CRADD: variants seen among roughly 807,000 people sequenced by gnomAD.
CRADD encodes the protein death domain-containing protein CRADD.
Under a neutral mutation model 15.5 loss-of-function variants are expected in CRADD, and 9 were observed. That is an observed-to-expected ratio of 0.58 (90% CI 0.35 to 1.01). The LOEUF (loss-of-function observed/expected upper bound fraction) is 1.01, where lower values mean the gene tolerates loss of function less well. CRADD is among the 50% of genes least tolerant of loss of function. The probability of loss-of-function intolerance (pLI) is 0.02; values close to 1 mark genes in which losing one functional copy is unlikely to be tolerated. For missense variants in CRADD, 227 were observed against 250.3 expected, an observed-to-expected ratio of 0.91 and a Z score of 0.63; for synonymous variants, 118 against 107.6, an observed-to-expected ratio of 1.10 and a Z score of -0.60.
chr12:93,812,222 A>G (rs2137009102), intron 2 of CRADD, among the ~76,000 whole-genome samples: 1 of 152,320 alleles, frequency 6.6e-6, no homozygotes, highest in African/African-American at 2.4e-5. Context: ...GAATGATACT[A>G]GAGAACATAC....
At chr12:93,686,360 A>G (rs1452990433) in intron 2 of CRADD, among the ~76,000 whole-genome samples, 29 of 151,234 alleles carry the variant, frequency 1.9e-4, no homozygotes, top group Non-Finnish European at 7.4e-5. Flanking sequence ...GGATGTGGCC[A>G]AAAGTTGCTT....
Position 93,811,034 on chromosome 12 carries a change from A to G in CRADD, c.299-38936A>G, listed in dbSNP as rs547152161. 5.6e-5 allele frequency among the ~76,000 whole-genome samples: 7 copies of G among 124,630 alleles called. No homozygotes were observed. In the South Asian group the frequency reaches 1.6e-3, roughly 28 times the overall value. The allele number at this position is 124,630 out of a possible 152,430, so 81.8% of individuals were successfully genotyped here. ...GTTGTTTCTGGCTTAAGGGGATGTCAGTGACTTTTCCCTTAGCCCCCCCTC... is the reference window on the plus strand; with the variant it reads ...GTTGTTTCTGGCTTAAGGGGATGTCGGTGACTTTTCCCTTAGCCCCCCCTC... On this transcript the variant is annotated intron_variant, in intron 2 of 2. Transcript: ENST00000332896.
chr12:93,827,177 A>G (rs1052479696), intron 2 of CRADD, among the ~76,000 whole-genome samples: 3 of 152,184 alleles, frequency 2.0e-5, no homozygotes, highest in African/African-American at 7.2e-5. Context: ...TGATGAACCT[A>G]TCCAACACTC....
chr12:93,697,210 G>T (rs1413030003), intron 2 of CRADD, among the ~76,000 whole-genome samples: 1 of 152,184 alleles, frequency 6.6e-6, no homozygotes, highest in Non-Finnish European at 1.5e-5. Context: ...GGTGGTAATA[G>T]GGGGTGGTAT....
At chr12:93,841,100 TTTCCTCTTTGGTGGA>T (rs1958041929) in intron 2 of CRADD, among the ~76,000 whole-genome samples, 1 of 152,212 alleles carries the variant, frequency 6.6e-6, no homozygotes, top group Non-Finnish European at 1.5e-5. Flanking sequence ...TAATAATGAC[TTTCCTCTTTGGTGGA>T]TTGATATATT....
In CRADD at chr12:93,693,143, C is replaced by T. The variant is rs568019536; in HGVS notation, c.298+14071C>T. ...CAAAGGATATCACTAGAGAAAATTACCTAATCACACTGGAAGACAGCCAGA... is the reference window on the plus strand; with the variant it reads ...CAAAGGATATCACTAGAGAAAATTATCTAATCACACTGGAAGACAGCCAGA... On this transcript the variant is annotated intron_variant, in intron 2 of 2. Transcript: ENST00000332896. Among the ~76,000 whole-genome samples, 161 of 152,106 alleles carry T rather than the reference C, an allele frequency of 1.1e-3. 1 individual carries two copies. The highest frequency in any genetic ancestry group is 3.8e-3 in the African/African-American group (156 of 41,522).
chr12:93,784,422 C>T (rs1224442573), intron 2 of CRADD, among the ~76,000 whole-genome samples: 1 of 151,946 alleles, frequency 6.6e-6, no homozygotes, highest in Non-Finnish European at 1.5e-5. Context: ...CCCAAGGTTG[C>T]ACGGTTAATA....
intron 2 of CRADD, among the ~76,000 whole-genome samples, chr12:93,857,315 C>T (rs1408834247): frequency 6.6e-6 from 1 of 152,090 alleles, no homozygotes; most frequent in African/African-American, 2.4e-5. Flanking sequence ...CTTCTGGTGA[C>T]GTATAACCTC....
rs549140344 is a variant in CRADD at position 93,797,005 on chromosome 12, C to T, written c.299-52965C>T. 2.4e-4 allele frequency among the ~76,000 whole-genome samples: 37 copies of T among 152,282 alleles called. No homozygotes were observed. In the South Asian group the frequency reaches 7.5e-3, roughly 31 times the overall value. Reference sequence around the variant, plus strand: ...GCTTCCTCCACTGGGACCAACCCCTCCTCTTCCTTACAAATATTCGGAGGT... The same window carrying T: ...GCTTCCTCCACTGGGACCAACCCCTTCTCTTCCTTACAAATATTCGGAGGT... On this transcript the variant is annotated intron_variant, in intron 2 of 2. Transcript: ENST00000332896.
chr12:93,782,654 T>C (rs1957224947), intron 2 of CRADD, among the ~76,000 whole-genome samples: 1 of 151,758 alleles, frequency 6.6e-6, no homozygotes, highest in African/African-American at 2.4e-5. Context: ...GAATCTTGTT[T>C]GGAACTTGAT....
intron 2 of CRADD, among the ~76,000 whole-genome samples, chr12:93,711,000 G>A (rs543263498): frequency 1.3e-5 from 2 of 150,184 alleles, no homozygotes; most frequent in East Asian, 3.9e-4. Context: ...TTGAGCCACA[G>A]CTGAAGATGA....
chr12:93,871,548 C>T (rs187294658), intron 2 of CRADD, among the ~76,000 whole-genome samples: 73 of 152,262 alleles, frequency 4.8e-4, no homozygotes, highest in Non-Finnish European at 9.4e-4. Flanking sequence ...CTATCCTTCA[C>T]CTCTCCCGCA....
At chr12:93,880,047 G>T (rs1296387429) in intron 2 of CRADD, among the ~76,000 whole-genome samples, 1 of 152,136 alleles carries the variant, frequency 6.6e-6, no homozygotes, top group Non-Finnish European at 1.5e-5. Flanking sequence ...AAGTTTACAG[G>T]CTGGAGAATT....
chr12:93,811,388 G>A (rs1408464258), intron 2 of CRADD, among the ~76,000 whole-genome samples: 1 of 152,238 alleles, frequency 6.6e-6, no homozygotes, highest in Admixed American at 6.5e-5. Context: ...CCTGATGCTT[G>A]GCTTTAGGCT....
At chr12:93,732,752 A>G (rs964633087) in intron 2 of CRADD, among the ~76,000 whole-genome samples, 2 of 152,290 alleles carry the variant, frequency 1.3e-5, no homozygotes, top group African/African-American at 4.8e-5. Context: ...TCTTCATTTC[A>G]AAAGTACAGA....
In CRADD at chr12:93,678,650, G is replaced by C. The variant is rs1366818242; in HGVS notation, c.-6-119G>C. Reference sequence around the variant, plus strand: ...ATCAGTGAATTAAATACCATGACCTGGCAGTCTGCTATGGTTTAAAGATGT... The same window carrying C: ...ATCAGTGAATTAAATACCATGACCTCGCAGTCTGCTATGGTTTAAAGATGT... On this transcript the variant is annotated intron_variant, in intron 1 of 2. Transcript: ENST00000332896. The C allele has an allele frequency of 5.0e-6, 5 of 998,250 alleles. 1 individual carries two copies. The Admixed American group carries it at 1.1e-4, about 23-fold the overall frequency. The allele number at this position is 998,250 out of a possible 1,614,324, so 61.8% of individuals were successfully genotyped here.
At chr12:93,828,669 T>A (rs1201999788) in intron 2 of CRADD, among the ~76,000 whole-genome samples, 2 of 152,252 alleles carry the variant, frequency 1.3e-5, no homozygotes, top group South Asian at 4.1e-4. Flanking sequence ...ATTTCTGAAC[T>A]TTCTCCTGTT....
At chr12:93,733,510 C>G (rs538758456) in intron 2 of CRADD, 1 of 152,420 alleles carries the variant, frequency 6.6e-6, no homozygotes, top group Admixed American at 6.5e-5. Flanking sequence ...TCATGGGCCT[C>G]TGATGCTGTG....
intron 2 of CRADD, 119 bp from the exon 3 acceptor site, chr12:93,849,851 G>A (rs1958188461): frequency 2.9e-6 from 2 of 694,228 alleles, no homozygotes; most frequent in Non-Finnish European, 5.2e-6. Flanking sequence ...GAAGACAAGA[G>A]CCAATTGGCT....
Sources: gnomAD v4.1 joint callset for allele counts (sites outside exome capture counted in the v4.1 genomes callset) on GRCh38, gnomAD v4.1.1 for gene constraint, MANE v1.5 for transcripts, NCBI Gene and HGNC (gene_info 2026-07-23, HGNC 2026-07-21) for gene names.